Variants in CEP63 observed in about 807,000 individuals in gnomAD.
CEP63 encodes the protein centrosomal protein of 63 kDa.
A neutral mutation model predicts 89.1 loss-of-function variants in CEP63; 84 were observed. The ratio of observed to expected loss-of-function variants is 0.94; its 90% CI spans 0.79 to 1.13. The LOEUF (loss-of-function observed/expected upper bound fraction) is 1.13, where lower values mean the gene tolerates loss of function less well. CEP63 is among the 50% of genes most tolerant of loss of function. The pLI is 0.00. For synonymous variants in CEP63, 267 were observed against 272.5 expected, an observed-to-expected ratio of 0.98 and a Z score of 0.20; for missense variants, 838 against 813.3, an observed-to-expected ratio of 1.03 and a Z score of -0.37.
the CEP63 span, among the ~76,000 whole-genome samples, chr3:134,714,088 T>G: frequency 0.17 from 26,341 of 152,070 alleles, 2,373 homozygotes; most frequent in Middle Eastern, 0.24. Flanking sequence ...TTTCAACAAT[T>G]TGAAATAGCA....
the CEP63 span, among the ~76,000 whole-genome samples, chr3:134,622,166 A>G: frequency 6.6e-6 from 1 of 152,222 alleles, no homozygotes; most frequent in Non-Finnish European, 1.5e-5. Context: ...TTTCTCAGAA[A>G]GTTAAATGTA....
At chr3:134,517,374 A>C (rs1946481539) in intron 3 of CEP63, among the ~76,000 whole-genome samples, 1 of 152,228 alleles carries the variant, frequency 6.6e-6, no homozygotes, top group African/African-American at 2.4e-5. Flanking sequence ...ATGAAGCCAC[A>C]ATCATAGGGG....
At chr3:134,545,921 C>A in intron 7 of CEP63, 102 bp downstream of exon 7, 1 of 935,112 alleles carries the variant, frequency 1.1e-6, no homozygotes, top group Non-Finnish European at 1.6e-6. Flanking sequence ...ACTTTCTTCC[C>A]TACTTTATAA....
At chr3:134,643,623 G>T in the CEP63 span, among the ~76,000 whole-genome samples, 1 of 152,330 alleles carries the variant, frequency 6.6e-6, no homozygotes, top group Admixed American at 6.5e-5. Context: ...GCCAGCACAG[G>T]CTGGGTTTCT....
At chr3:134,701,141 A>C in the CEP63 span, among the ~76,000 whole-genome samples, 7 of 151,178 alleles carry the variant, frequency 4.6e-5, no homozygotes, top group Non-Finnish European at 1.0e-4. Context: ...ACAGTGCCCC[A>C]ACATATACAT....
At chr3:134,706,715 G>A in the CEP63 span, among the ~76,000 whole-genome samples, 2 of 152,208 alleles carry the variant, frequency 1.3e-5, no homozygotes, top group Admixed American at 1.3e-4. Flanking sequence ...CAGTTCTGTA[G>A]GTTAGAAGTC....
the CEP63 span, among the ~76,000 whole-genome samples, chr3:134,665,702 C>CACAGAGAG: frequency 1.9e-4 from 19 of 102,380 alleles, no homozygotes; most frequent in African/African-American, 5.6e-4. Flanking sequence ...CACACACACA[C>CACAGAGAG]AGAGAGAGAG....
At chr3:134,555,074 C>T (rs951745564) in intron 12 of CEP63, among the ~76,000 whole-genome samples, 1 of 151,704 alleles carries the variant, frequency 6.6e-6, no homozygotes, top group Non-Finnish European at 1.5e-5. Context: ...ATTCAACAAC[C>T]CTTCATGCTA....
At chr3:134,523,871 G>C (rs1448028829) in intron 3 of CEP63, among the ~76,000 whole-genome samples, 3 of 152,038 alleles carry the variant, frequency 2.0e-5, no homozygotes, top group African/African-American at 7.2e-5. Context: ...TAGCTATTCA[G>C]GCTCTTTTTT....
At chr3:134,711,101 C>T in the CEP63 span, among the ~76,000 whole-genome samples, 1 of 152,158 alleles carries the variant, frequency 6.6e-6, no homozygotes, top group Admixed American at 6.5e-5. Context: ...TCTCTTCCCC[C>T]AGTCTTTTTA....
intron 3 of CEP63, among the ~76,000 whole-genome samples, chr3:134,508,221 CTTGG>C (rs1943953507): frequency 6.6e-6 from 1 of 152,194 alleles, no homozygotes; most frequent in Non-Finnish European, 1.5e-5. Flanking sequence ...AAAATTTCTC[CTTGG>C]TTGGCCATTT....
the CEP63 span, among the ~76,000 whole-genome samples, chr3:134,772,407 G>T: frequency 6.6e-6 from 1 of 152,162 alleles, no homozygotes; most frequent in African/African-American, 2.4e-5. Flanking sequence ...GAGACACTTG[G>T]CTTGTGGACA....
intron 3 of CEP63, among the ~76,000 whole-genome samples, chr3:134,529,033 A>G (rs1949317300): frequency 6.6e-6 from 1 of 152,218 alleles, no homozygotes; most frequent in Admixed American, 6.5e-5. Flanking sequence ...ACTATGAAGC[A>G]AAACATAATC....
the CEP63 span, among the ~76,000 whole-genome samples, chr3:134,714,420 T>C: frequency 6.6e-6 from 1 of 152,210 alleles, no homozygotes; most frequent in South Asian, 2.1e-4. Flanking sequence ...TGCTAATTCA[T>C]GTCCCATCTT....
At chr3:134,512,296 A>G (rs1333460215) in intron 3 of CEP63, among the ~76,000 whole-genome samples, 2 of 152,152 alleles carry the variant, frequency 1.3e-5, no homozygotes, top group Non-Finnish European at 2.9e-5. Flanking sequence ...TTAAGGCTTT[A>G]TGTGTTTCTG....
At chr3:134,674,021 T>C in the CEP63 span, among the ~76,000 whole-genome samples, 164 of 152,320 alleles carry the variant, frequency 1.1e-3, no homozygotes, top group Middle Eastern at 3.4e-3. Context: ...ATTCATTCCA[T>C]TGGACACAGT....
intron 10 of CEP63, among the ~76,000 whole-genome samples, chr3:134,583,941 A>G (rs1958423020): frequency 6.6e-6 from 1 of 152,130 alleles, no homozygotes; most frequent in Non-Finnish European, 1.5e-5. Context: ...TCTTTGTAGC[A>G]ATTGTGAATG....
the CEP63 span, among the ~76,000 whole-genome samples, chr3:134,777,394 T>C: frequency 6.6e-6 from 1 of 152,206 alleles, no homozygotes; most frequent in South Asian, 2.1e-4. Flanking sequence ...TGATCTTTTT[T>C]TTCACTCTCA....
At chr3:134,715,536 T>G in the CEP63 span, among the ~76,000 whole-genome samples, 6 of 137,230 alleles carry the variant, frequency 4.4e-5, no homozygotes, top group African/African-American at 1.7e-4. Flanking sequence ...TTGTTTTTTT[T>G]TGTTTTTTCC....
Sources: allele counts gnomAD v4.1 joint callset (sites outside exome capture counted in the v4.1 genomes callset), GRCh38; gene constraint gnomAD v4.1.1; transcripts MANE v1.5; gene names NCBI Gene and HGNC (gene_info 2026-07-23, HGNC 2026-07-21).